Variants in KCNN1 observed in about 807,000 individuals in gnomAD.
KCNN1 encodes small conductance calcium-activated potassium channel protein 1.
Under a neutral mutation model 44.7 loss-of-function variants are expected in KCNN1, and 20 were observed. The ratio of observed to expected loss-of-function variants is 0.45; its 90% CI spans 0.32 to 0.65. The LOEUF (loss-of-function observed/expected upper bound fraction) is 0.65, where lower values mean the gene tolerates loss of function less well. KCNN1 is among the 30% of genes least tolerant of loss of function. The probability of loss-of-function intolerance (pLI) is 0.05; values close to 1 mark genes in which losing one functional copy is unlikely to be tolerated. For synonymous variants in KCNN1, 324 were observed against 341.7 expected, an observed-to-expected ratio of 0.95 and a Z score of 0.57; for missense variants, 632 against 785.3, an observed-to-expected ratio of 0.80 and a Z score of 2.33.
rs111966867 is a variant in KCNN1 at position 17,956,049 on chromosome 19, T to G, written c.-82+1368T>G. On this transcript the variant is annotated intron_variant, in intron 2 of 10. Transcript: ENST00000222249. ...CCCCACCGGGTTCAAGCGATTCTCC[T>G]GCTTCAGCCTCCCAAGTAGCTGGGA... Among the ~76,000 whole-genome samples, 715 of 152,296 alleles carry G rather than the reference T, an allele frequency of 4.7e-3. 3 individuals are homozygous for G. The highest frequency in any genetic ancestry group is 0.016 in the African/African-American group (671 of 41,574).
At position 17,961,624 on chromosome 19, in the gene KCNN1, C is replaced by G. The variant is rs1395324303; in HGVS notation, c.-82+6943C>G. ...TGAGACGGAGTCTTGCTTTGTTGCC[C>G]AGGCTGGAGTGCAATGGCACAATCT... On this transcript the variant is annotated intron_variant, in intron 2 of 10. Transcript: ENST00000222249. Among the ~76,000 whole-genome samples, 3 of 144,772 alleles carry G rather than the reference C, an allele frequency of 2.1e-5. No homozygotes were observed. The East Asian group carries it at 5.9e-4, about 29-fold the overall frequency. 95.0% of individuals were successfully genotyped at this position (144,772 alleles called of 152,430 possible).
rs757017151 is a variant in KCNN1, at chr19:17,973,852, G to T, written c.-37G>T. ...CGCTGAGCCATGCCGGGCCCCGGGCGGCCTGCAGCGAGCCCAACCCCTGCA... is the reference window on the plus strand; with the variant it reads ...CGCTGAGCCATGCCGGGCCCCGGGCTGCCTGCAGCGAGCCCAACCCCTGCA... On this transcript the variant is annotated 5_prime_UTR_variant, in exon 2 of 10. Transcript: ENST00000684775. The T allele has an allele frequency of 6.5e-7, 1 of 1,542,168 alleles. No homozygotes were observed. Among genetic ancestry groups the T allele is most frequent in the Admixed American group, 2.0e-5 (1 of 50,576 alleles).
At chr19:17,959,401 G>C (rs1244756532) in intron 2 of KCNN1, among the ~76,000 whole-genome samples, 1 of 151,646 alleles carries the variant, frequency 6.6e-6, no homozygotes, top group Non-Finnish European at 1.5e-5. Context: ...GGGATTACAG[G>C]CACCTGCCAC....
chr19:17,975,270 C>A, intron 3 of KCNN1, 83 bp downstream of exon 3: 1 of 948,810 alleles, frequency 1.1e-6, no homozygotes, highest in East Asian at 2.5e-5. Context: ...ACCCCATCCC[C>A]TCAAAACATA....
At chr19:17,953,604 G>T (rs539355686) in intron 1 of KCNN1, among the ~76,000 whole-genome samples, 1 of 152,304 alleles carries the variant, frequency 6.6e-6, no homozygotes, top group South Asian at 2.1e-4. Flanking sequence ...GCACGCCAAG[G>T]GAGCTACAGG....
intron 4 of KCNN1, chr19:17,982,599 CTG>C: frequency 2.0e-6 from 2 of 985,110 alleles, no homozygotes; most frequent in Non-Finnish European, 2.4e-6. Context: ...CTCCGCTGAG[CTG>C]TGTGCGCAGA....
At chr19:17,959,125 C>T (rs914367382) in intron 2 of KCNN1, among the ~76,000 whole-genome samples, 1 of 151,766 alleles carries the variant, frequency 6.6e-6, no homozygotes, top group Admixed American at 6.6e-5. Flanking sequence ...TCAAGCGATT[C>T]TCCTGCCTCC....
upstream of KCNN1, among the ~76,000 whole-genome samples, chr19:17,966,048 CCTTCCTT>C (rs2031800737): frequency 6.7e-6 from 1 of 149,774 alleles, no homozygotes; most frequent in African/African-American, 2.5e-5. Context: ...TTCCTTCCTT[CCTTCCTT>C]CCTTCCTTCC....
In KCNN1 at chr19:17,994,481, G is replaced by A. The variant is rs117308123; in HGVS notation, c.1377+922G>A. The stretch of plus-strand genomic sequence containing the variant: ...AAAAAAGCAAGAAAGAAATCAGTTT[G>A]TGTTATACATGGATCTGTGTGTTGA... On this transcript the variant is annotated intron_variant, in intron 9 of 9. Transcript: ENST00000684775. 9.1e-3 allele frequency among the ~76,000 whole-genome samples: 1,360 copies of A among 150,216 alleles called. 35 individuals are homozygous for A. The highest frequency in any genetic ancestry group is 0.058 in the Admixed American group (873 of 15,056).
rs1295293034 is a variant in KCNN1 at position 17,983,058 on chromosome 19, C to T, written c.917+931C>T. 2.6e-5 allele frequency among the ~76,000 whole-genome samples: 4 copies of T among 151,916 alleles called. No homozygotes were observed. The highest frequency in any genetic ancestry group is 9.7e-5 in the African/African-American group (4 of 41,346). On this transcript the variant is annotated intron_variant, in intron 4 of 9. Coordinates refer to ENST00000684775, the MANE Select transcript of KCNN1 (RefSeq NM_001386974.1). The surrounding 1 kb of genome is among the most constrained non-coding windows in gnomAD (Gnocchi z 4.5). ...AAATGGGTCTGGGATGAAGGAAAAC[C>T]GGCCGTGCCTTTGGGACCTCCAAGC...
At chr19:17,985,175 G>A (rs933760985) in intron 4 of KCNN1, 137 bp from the exon 5 acceptor site, 2 of 776,736 alleles carry the variant, frequency 2.6e-6, no homozygotes, top group Admixed American at 3.3e-5. Context: ...CGCCTGTCCT[G>A]TACCCACAGG....
intron 1 of KCNN1, 76 bp downstream of exon 1, chr19:17,967,393 C>A: frequency 1.2e-6 from 1 of 823,222 alleles, no homozygotes; most frequent in Non-Finnish European, 1.5e-6. Flanking sequence ...GGAGGCACGT[C>A]TCGGAGGGGG....
Position 17,998,448 on chromosome 19 carries a change from G to A in KCNN1, c.*42G>A, listed in dbSNP as rs763819605. 14 of 1,449,474 alleles carry A rather than the reference G, an allele frequency of 9.7e-6. No individual in the cohort carries two copies. The highest frequency in any genetic ancestry group is 1.4e-5 in the South Asian group (1 of 69,372). The allele number at this position is 1,449,474 out of a possible 1,614,324, so 89.8% of individuals were successfully genotyped here. A position where few individuals can be genotyped will look rare whatever the true frequency, so the allele number is the denominator to read the frequency against. ...CAGACCCCTAAATCTTGGCCATCGT[G>A]TGGCCGCCACCTCCGGGAAGCCTTG... On this transcript the variant is annotated 3_prime_UTR_variant, in exon 10 of 10. Coordinates refer to ENST00000684775, the MANE Select transcript of KCNN1 (RefSeq NM_001386974.1). This position sits in a 1 kb window ranked among gnomAD's most constrained non-coding sequence, Gnocchi z 5.4.
Position 17,986,915 on chromosome 19 carries a change from T to C in KCNN1, c.1059+1462T>C, listed in dbSNP as rs571832638. Among the ~76,000 whole-genome samples, 10 of 152,188 alleles carry C rather than the reference T, an allele frequency of 6.6e-5. No homozygotes were observed. In the South Asian group the frequency reaches 2.1e-3, roughly 32 times the overall value. Reference sequence around the variant, plus strand: ...TCCGCCTCCCGGGTTCAAGCCATTCTCCTGCCTCAGCTTCCTGAGTAGCTG... The same window carrying C: ...TCCGCCTCCCGGGTTCAAGCCATTCCCCTGCCTCAGCTTCCTGAGTAGCTG... On this transcript the variant is annotated intron_variant, in intron 5 of 9. Coordinates refer to ENST00000684775, the MANE Select transcript of KCNN1 (RefSeq NM_001386974.1).
intron 4 of KCNN1, among the ~76,000 whole-genome samples, chr19:17,982,387 G>A (rs2032448561): frequency 6.6e-6 from 1 of 152,048 alleles, no homozygotes; most frequent in East Asian, 1.9e-4. Flanking sequence ...CATCCTCCCT[G>A]CCAGGGTCTC....
intron 3 of KCNN1, among the ~76,000 whole-genome samples, 156 bp from the exon 4 acceptor site, chr19:17,981,552 CA>C (rs71164338): frequency 0.27 from 24,380 of 89,836 alleles, 2,383 homozygotes; most frequent in African/African-American, 0.41. Context: ...AACTCCATCT[CA>C]AAAAAAAAAA....
Position 17,983,373 on chromosome 19 carries a change from A to G in KCNN1, c.917+1246A>G, listed in dbSNP as rs536162830. On this transcript the variant is annotated intron_variant, in intron 4 of 9. Coordinates refer to ENST00000684775, the MANE Select transcript of KCNN1 (RefSeq NM_001386974.1). This position sits in a 1 kb window ranked among gnomAD's most constrained non-coding sequence, Gnocchi z 4.5. Reference sequence around the variant, plus strand: ...TCCCTCCACCCAGCCCCCACCCCCCATACTCCCACGGGCCCTGCCTGGGCA... The same window carrying G: ...TCCCTCCACCCAGCCCCCACCCCCCGTACTCCCACGGGCCCTGCCTGGGCA... Among the ~76,000 whole-genome samples, 6 of 119,964 alleles carry G rather than the reference A, an allele frequency of 5.0e-5. No individual in the cohort carries two copies. In the South Asian group the frequency reaches 1.4e-3, roughly 28 times the overall value. The allele number at this position is 119,964 out of a possible 152,430, so 78.7% of individuals were successfully genotyped here.
chr19:17,968,101 G>A (rs1375803784), intron 1 of KCNN1, among the ~76,000 whole-genome samples: 1 of 146,984 alleles, frequency 6.8e-6, no homozygotes, highest in African/African-American at 2.5e-5. Flanking sequence ...TGGGGGTGGT[G>A]GCGGGAAGGG....
At chr19:17,987,764 A>T (rs991422951) in intron 5 of KCNN1, among the ~76,000 whole-genome samples, 5 of 139,076 alleles carry the variant, frequency 3.6e-5, no homozygotes, top group Non-Finnish European at 7.6e-5. Flanking sequence ...TGGGAGGCCG[A>T]GGTGGGTGGA....
Sources: gnomAD v4.1 joint callset for allele counts (sites outside exome capture counted in the v4.1 genomes callset) on GRCh38, gnomAD v4.1.1 for gene constraint, Gnocchi (gnomAD v3.1) non-coding constraint, MANE v1.5 for transcripts, NCBI Gene and HGNC (gene_info 2026-07-23, HGNC 2026-07-21) for gene names.